Variants in TRPM3 observed in about 807,000 individuals in gnomAD.
TRPM3 encodes the protein transient receptor potential cation channel subfamily M member 3.
In TRPM3, 77 loss-of-function variants were observed where a neutral mutation model predicts 181.2. The ratio of observed to expected loss-of-function variants is 0.42; its 90% CI spans 0.35 to 0.51. The LOEUF is 0.51. Ranked by LOEUF, TRPM3 falls within the 20% of genes least tolerant of loss-of-function variation. The pLI, the probability that TRPM3 is intolerant of heterozygous loss-of-function variation, is 0.01. For missense variants in TRPM3, 1,759 were observed against 2,196.7 expected, an observed-to-expected ratio of 0.80 and a Z score of 3.98; for synonymous variants, 745 against 796.4, an observed-to-expected ratio of 0.94 and a Z score of 1.09.
chr9:70,896,730 A>G (rs1296224645), intron 1 of TRPM3, among the ~76,000 whole-genome samples: 1 of 151,824 alleles, frequency 6.6e-6, no homozygotes, highest in Admixed American at 6.6e-5. Context: ...TGTTCATTGT[A>G]TATCACTCTT....
At chr9:70,889,651 A>G (rs2096160638) in intron 1 of TRPM3, among the ~76,000 whole-genome samples, 1 of 152,192 alleles carries the variant, frequency 6.6e-6, no homozygotes, top group Admixed American at 6.5e-5. Context: ...ACTGGTCAAT[A>G]AATCCCACCT....
intron 1 of TRPM3, among the ~76,000 whole-genome samples, chr9:71,237,068 G>A (rs2202353): frequency 0.38 from 48,996 of 128,924 alleles, 9,871 homozygotes; most frequent in Non-Finnish European, 0.42. Context: ...AAAGGGGGGG[G>A]GAAAAAAAGA....
chr9:70,806,143 C>G (rs17463001), intron 6 of TRPM3, among the ~76,000 whole-genome samples: 4,386 of 152,216 alleles, frequency 0.029, 89 homozygotes, highest in Middle Eastern at 0.058. Flanking sequence ...CTTCTGCCTG[C>G]GATTTAGGAC....
At chr9:70,937,679 G>A (rs535748960) in intron 1 of TRPM3, among the ~76,000 whole-genome samples, 1 of 152,228 alleles carries the variant, frequency 6.6e-6, no homozygotes, top group South Asian at 2.1e-4. Context: ...TTCAAAATGT[G>A]ACTGACTGAA....
Position 70,553,234 on chromosome 9 carries a change from G to T in TRPM3, c.3300C>A (p.Ile1100=). The change falls in exon 23 of 26, where the codon ATC becomes ATA. Residue 1100 remains isoleucine (I), a synonymous_variant. Transcript: ENST00000677713. ...QLPPCKTGAW[I]VPAIMACYLL... ...GGTAGCAGGCCATGATGGCCGGCAC[G>T]ATCCAAGCTCCTGTCTTGCAGGGAG... is the stretch of plus-strand genomic sequence containing the variant. The T allele has an allele frequency of 6.2e-7, 1 of 1,614,098 alleles. No homozygotes were observed. Among genetic ancestry groups the T allele is most frequent in the Non-Finnish European group, 8.5e-7 (1 of 1,180,020 alleles).
chr9:71,284,462 G>GGA (rs1344061197), intron 1 of TRPM3, among the ~76,000 whole-genome samples: 1 of 152,150 alleles, frequency 6.6e-6, no homozygotes, highest in Non-Finnish European at 1.5e-5. Flanking sequence ...TAATGGCCTA[G>GGA]GAGACTCGAT....
At chr9:71,188,164 C>T (rs2077798792) in intron 1 of TRPM3, among the ~76,000 whole-genome samples, 1 of 151,798 alleles carries the variant, frequency 6.6e-6, no homozygotes. Context: ...AACACTTTTG[C>T]TTATGTTTAA....
chr9:71,384,492 C>T (rs184451450), intron 1 of TRPM3, among the ~76,000 whole-genome samples: 76 of 152,308 alleles, frequency 5.0e-4, no homozygotes, highest in East Asian at 1.2e-3. Context: ...CCCATTCACA[C>T]GGCTGTCGTC....
At chr9:71,194,556 G>C (rs1338404785) in intron 1 of TRPM3, among the ~76,000 whole-genome samples, 1 of 151,862 alleles carries the variant, frequency 6.6e-6, no homozygotes, top group East Asian at 1.9e-4. Context: ...CTAGAAGATG[G>C]AAAGACACTG....
At chr9:70,988,946 T>C (rs1025703408) in intron 1 of TRPM3, among the ~76,000 whole-genome samples, 1 of 152,142 alleles carries the variant, frequency 6.6e-6, no homozygotes, top group Non-Finnish European at 1.5e-5. Flanking sequence ...TGAAAGGGTT[T>C]AGAGGGAGGC....
At chr9:70,588,454 A>G (rs1564450840) in intron 22 of TRPM3, among the ~76,000 whole-genome samples, 1 of 152,024 alleles carries the variant, frequency 6.6e-6, no homozygotes, top group Non-Finnish European at 1.5e-5. Context: ...TGGGCTTAGC[A>G]ATTCTGAAGT....
At chr9:71,011,969 G>A (rs375574935) in intron 1 of TRPM3, among the ~76,000 whole-genome samples, 1 of 151,892 alleles carries the variant, frequency 6.6e-6, no homozygotes, top group Non-Finnish European at 1.5e-5. Context: ...TTTTAGTAGA[G>A]ATAGGGTTTT....
At chr9:71,152,126 A>G (rs1170189018) in intron 1 of TRPM3, among the ~76,000 whole-genome samples, 1 of 152,162 alleles carries the variant, frequency 6.6e-6, no homozygotes, top group African/African-American at 2.4e-5. Context: ...AATCACATAT[A>G]AAACTGTGAA....
At chr9:70,553,598 CA>C (rs913722619) in intron 22 of TRPM3, among the ~76,000 whole-genome samples, 9 of 152,168 alleles carry the variant, frequency 5.9e-5, no homozygotes, top group African/African-American at 2.2e-4. Context: ...TAGGCCCCTA[CA>C]CCGGGTGAGG....
chr9:71,202,189 A>C (rs531967187), intron 1 of TRPM3, among the ~76,000 whole-genome samples: 1 of 152,098 alleles, frequency 6.6e-6, no homozygotes, highest in Non-Finnish European at 1.5e-5. Flanking sequence ...TTCCTCTGGA[A>C]GTTTTGTCTC....
rs752912127 is a variant in TRPM3, at chr9:70,905,270, G to T, written c.178-40759C>A. On this transcript the variant is annotated intron_variant, in intron 1 of 25. Coordinates refer to ENST00000677713, the MANE Select transcript of TRPM3 (RefSeq NM_001366145.2). Reference sequence around the variant, plus strand: ...TGCGGTACATTGTAATGTTCTCCTGGAGATACCAAATACACATTGACATAT... The same window carrying T: ...TGCGGTACATTGTAATGTTCTCCTGTAGATACCAAATACACATTGACATAT... Among the ~76,000 whole-genome samples, 139 of 152,178 alleles carry T rather than the reference G, an allele frequency of 9.1e-4. 1 individual carries two copies. The highest frequency in any genetic ancestry group is 1.9e-4 in the Non-Finnish European group (13 of 68,028).
intron 1 of TRPM3, among the ~76,000 whole-genome samples, chr9:71,157,822 T>C (rs971221241): frequency 2.6e-5 from 4 of 152,118 alleles, no homozygotes; most frequent in African/African-American, 9.7e-5. Context: ...GTCATTCTTT[T>C]CTAGGTAGGA....
At chr9:71,017,032 C>G (rs1005146468) in intron 1 of TRPM3, among the ~76,000 whole-genome samples, 4 of 152,096 alleles carry the variant, frequency 2.6e-5, no homozygotes, top group African/African-American at 9.7e-5. Context: ...GATTTAACCA[C>G]TTGAGCATTG....
chr9:70,697,442 C>G (rs557186203), intron 8 of TRPM3, among the ~76,000 whole-genome samples: 1 of 152,292 alleles, frequency 6.6e-6, no homozygotes, highest in East Asian at 1.9e-4. Flanking sequence ...CCAATATGGA[C>G]ATAGAAACGT....
Sources: gnomAD v4.1 joint callset for allele counts (sites outside exome capture counted in the v4.1 genomes callset) on GRCh38, gnomAD v4.1.1 for gene constraint, MANE v1.5 for transcripts, NCBI Gene and HGNC (gene_info 2026-07-23, HGNC 2026-07-21) for gene names.